The following DST variants were observed in gnomAD, a reference collection of about 807,000 sequenced individuals.
DST encodes the protein dystonin.
In DST, 253 loss-of-function variants were observed where a neutral mutation model predicts 875.2. The observed-to-expected ratio is 0.29, with a 90% CI of 0.26 to 0.32. The LOEUF (loss-of-function observed/expected upper bound fraction) is 0.32, where lower values mean the gene tolerates loss of function less well. DST is among the 10% of genes least tolerant of loss of function. The probability of loss-of-function intolerance (pLI) is 1.00; values close to 1 mark genes in which losing one functional copy is unlikely to be tolerated. For missense variants in DST, 8,287 were observed against 9,111.6 expected, an observed-to-expected ratio of 0.91 and a Z score of 3.68; for synonymous variants, 3,124 against 3,197.1, an observed-to-expected ratio of 0.98 and a Z score of 0.77.
At chr6:56,937,286 T>C (rs925981273) in intron 2 of DST, among the ~76,000 whole-genome samples, 1 of 152,042 alleles carries the variant, frequency 6.6e-6, no homozygotes, top group African/African-American at 2.4e-5. Context: ...ATTAAAGAAT[T>C]TGTATCCAGA....
intron 9 of DST, among the ~76,000 whole-genome samples, chr6:56,684,689 T>C (rs914740221): frequency 6.6e-6 from 1 of 152,204 alleles, no homozygotes; most frequent in East Asian, 1.9e-4. Flanking sequence ...TCAGACTAAT[T>C]TTTCTTCTGT....
rs777654685 is a variant in DST at position 56,593,912 on chromosome 6, G to A, written c.12477C>T (p.Asn4159=). ...WLQQSEQELE[N]LEAGADDING... ...TGATGTCATCTGCACCTGCCTCCAG[G>A]TTTTCAAGTTCTTGTTCTGACTGCT... Residue 4159 remains asparagine (N), a synonymous_variant, in exon 48 of 104, where the codon AAC becomes AAT. Coordinates refer to ENST00000680361, the MANE Select transcript of DST (RefSeq NM_001374736.1). 8.7e-6 allele frequency: 14 copies of A among 1,613,600 alleles called. No individual in the cohort carries two copies. The highest frequency in any genetic ancestry group is 8.5e-7 in the Non-Finnish European group (1 of 1,179,748).
chr6:56,630,214 A>G, intron 31 of DST, 31 bp downstream of exon 31: 1 of 1,477,260 alleles, frequency 6.8e-7, no homozygotes, highest in East Asian at 2.3e-5. Context: ...AGAATACGAT[A>G]TTTAAAAATA....
chr6:56,572,062 T>C (rs1428551984), intron 53 of DST, 38 bp downstream of exon 53: 4 of 1,217,494 alleles, frequency 3.3e-6, no homozygotes, highest in Non-Finnish European at 4.4e-6. Context: ...CTAATTAATA[T>C]AAATAGAATA....
At chr6:56,760,918 T>C (rs1228549924) in intron 4 of DST, among the ~76,000 whole-genome samples, 1 of 152,242 alleles carries the variant, frequency 6.6e-6, no homozygotes, top group Admixed American at 6.5e-5. Flanking sequence ...TTTTAAAACA[T>C]GTCCATACAT....
chr6:56,592,169 T>C lies in DST; in HGVS notation c.12903+13A>G. 6.2e-7 allele frequency: 1 copy of C among 1,609,802 alleles called. No individual in the cohort carries two copies. Among genetic ancestry groups the C allele is most frequent in the Middle Eastern group, 1.7e-4 (1 of 6,060 alleles). On this transcript the variant is annotated intron_variant, in intron 49 of 103. Coordinates refer to ENST00000680361, the MANE Select transcript of DST (RefSeq NM_001374736.1). ...AGACTACTGGAAATGTGGATCTTTC[T>C]CTCGCTTTTTACCTTGGTCTCTTCT... is the stretch of plus-strand genomic sequence containing the variant.
At position 56,851,986 on chromosome 6, in the gene DST, T is replaced by C. The variant is rs1222995882; in HGVS notation, c.418-382A>G. The C allele has an allele frequency of 2.1e-6, 3 of 1,449,316 alleles. No individual in the cohort carries two copies. The South Asian group carries it at 4.5e-5, about 22-fold the overall frequency. 89.8% of individuals were successfully genotyped at this position (1,449,316 alleles called of 1,614,324 possible). On this transcript the variant is annotated intron_variant, in intron 3 of 103. Coordinates refer to ENST00000680361, the MANE Select transcript of DST (RefSeq NM_001374736.1). ...GGCTCCCCCACCAGGACAGTAGAAA[T>C]ATTTTCCATTACTAGCCTGCTGCTT...
chr6:56,607,755 C>T lies in DST; in HGVS notation c.6873G>A (p.Glu2291=). 4 of 1,613,466 alleles carry T rather than the reference C, an allele frequency of 2.5e-6. No individual in the cohort carries two copies. The highest frequency in any genetic ancestry group is 3.4e-6 in the Non-Finnish European group (4 of 1,179,722). Residue 2291 remains glutamate (E), a synonymous_variant, in exon 40 of 104, where the codon GAG becomes GAA. Coordinates refer to ENST00000680361, the MANE Select transcript of DST (RefSeq NM_001374736.1). ...TAGCACACTTTCTATTTTCAGGAGT[C>T]TCTTCATGTTCAGGTTCTCCACAGT... ...KCHCGEPEHE[E]TPENRKCAID...
At chr6:56,775,170 G>C (rs1199517630) in intron 4 of DST, among the ~76,000 whole-genome samples, 1 of 152,084 alleles carries the variant, frequency 6.6e-6, no homozygotes. Context: ...ACAAGGAAGA[G>C]ATTACAGTTG....
intron 59 of DST, 89 bp from the exon 60 acceptor site, chr6:56,555,929 A>C: frequency 7.7e-7 from 1 of 1,292,656 alleles, no homozygotes; most frequent in Non-Finnish European, 1.0e-6. Context: ...AGAAATGGTA[A>C]TTATTTCTCC....
intron 9 of DST, chr6:56,693,073 G>C: frequency 3.1e-6 from 4 of 1,289,590 alleles, no homozygotes; most frequent in South Asian, 2.5e-5. Context: ...GTATTTTTCA[G>C]GGTTCAAAGG....
intron 4 of DST, among the ~76,000 whole-genome samples, chr6:56,784,688 G>T (rs1324624638): frequency 2.6e-5 from 4 of 152,162 alleles, no homozygotes; most frequent in African/African-American, 9.7e-5. Flanking sequence ...CTGTAGCTCG[G>T]AGTAGTTTGA....
intron 10 of DST, among the ~76,000 whole-genome samples, chr6:56,660,665 T>A (rs1161430997): frequency 1.4e-5 from 2 of 147,608 alleles, no homozygotes; most frequent in African/African-American, 4.9e-5. Flanking sequence ...AGTGTAGACA[T>A]CCCTTCATGC....
rs869186436 is a variant in DST, at chr6:56,934,560, T to TTTTATATATA, written c.216+19224_216+19225insTATATATAAA. Among the ~76,000 whole-genome samples, 235 of 106,462 alleles carry TTTTATATATA rather than the reference T, an allele frequency of 2.2e-3. 11 individuals carry two copies. The highest frequency in any genetic ancestry group is 4.8e-3 in the Middle Eastern group (1 of 210). The allele number at this position is 106,462 out of a possible 152,430, so 69.8% of individuals were successfully genotyped here. On this transcript the variant is annotated intron_variant, in intron 2 of 103. Coordinates refer to ENST00000680361, the MANE Select transcript of DST (RefSeq NM_001374736.1). ...TAAAATATACATATTATATATTATA[T>TTTTATATATA]TATATATATATATATATATATATAT...
Position 56,639,782 on chromosome 6 carries a change from T to C in DST, c.2620-9A>G. 6.2e-7 allele frequency: 1 copy of C among 1,610,818 alleles called. No homozygotes were observed. The highest frequency in any genetic ancestry group is 8.5e-7 in the Non-Finnish European group (1 of 1,177,258). ...GGTGCTGTCATTTGAATCTATAACA[T>C]GAGATTAAAAAGACACTCCAGTCAG... is the stretch of plus-strand genomic sequence containing the variant. On this transcript the variant is annotated splice_polypyrimidine_tract_variant and intron_variant, in intron 19 of 103. Transcript: ENST00000680361.
chr6:56,723,931 A>G (rs933527123), intron 5 of DST, among the ~76,000 whole-genome samples: 1 of 152,194 alleles, frequency 6.6e-6, no homozygotes, highest in African/African-American at 2.4e-5. Flanking sequence ...GGTATCCCAC[A>G]ACACCGGTGT....
chr6:56,615,577 T>C (rs1347793599), intron 36 of DST: 2 of 1,613,844 alleles, frequency 1.2e-6, no homozygotes, highest in Admixed American at 1.7e-5. Context: ...CTTCTAACAG[T>C]TTAAGTCCTG....
rs2099622303 is a variant in DST, at chr6:56,763,326, C to G, written c.626-28037G>C. 2.0e-5 allele frequency among the ~76,000 whole-genome samples: 3 copies of G among 152,160 alleles called. No homozygotes were observed. In the South Asian group the frequency reaches 6.2e-4, roughly 32 times the overall value. ...AAGTCAAAGCGCTGCTTCTTTATGC[C>G]TGGATCAAGTCCAACATGTCCTAGC... On this transcript the variant is annotated intron_variant, in intron 4 of 103. Coordinates refer to ENST00000680361, the MANE Select transcript of DST (RefSeq NM_001374736.1).
chr6:56,742,632 T>C (rs905034375), intron 4 of DST, among the ~76,000 whole-genome samples: 6 of 152,188 alleles, frequency 3.9e-5, no homozygotes, highest in Non-Finnish European at 8.8e-5. Flanking sequence ...TTTAATTCCC[T>C]TTTTTTGTTT....
Sources: gnomAD v4.1 joint callset for allele counts (sites outside exome capture counted in the v4.1 genomes callset) on GRCh38, gnomAD v4.1.1 for gene constraint, MANE v1.5 for transcripts, NCBI Gene and HGNC (gene_info 2026-07-23, HGNC 2026-07-21) for gene names.